The following NCKAP5 variants were observed in gnomAD, a reference collection of about 807,000 sequenced individuals.
NCKAP5 encodes the protein nck-associated protein 5.
Under a neutral mutation model 167.0 loss-of-function variants are expected in NCKAP5, and 92 were observed. That is an observed-to-expected ratio of 0.55 (90% CI 0.47 to 0.66). NCKAP5 has a LOEUF of 0.66. Ranked by LOEUF, NCKAP5 falls within the 30% of genes least tolerant of loss-of-function variation. The pLI is 0.00. For missense variants in NCKAP5, 2,378 were observed against 2,315.0 expected, an observed-to-expected ratio of 1.03 and a Z score of -0.56; for synonymous variants, 891 against 877.4, an observed-to-expected ratio of 1.02 and a Z score of -0.27.
intron 2 of NCKAP5, among the ~76,000 whole-genome samples, chr2:133,530,416 A>G (rs998009198): frequency 7.2e-5 from 11 of 152,182 alleles, no homozygotes; most frequent in Non-Finnish European, 1.0e-4. Context: ...TTTGTCTTCC[A>G]TATCAACTTG....
chr2:132,716,293 G>A (rs1689364045), intron 19 of NCKAP5, among the ~76,000 whole-genome samples: 1 of 152,186 alleles, frequency 6.6e-6, no homozygotes, highest in Non-Finnish European at 1.5e-5. Context: ...CCCCTAGCAA[G>A]TTAGATTTAA....
At chr2:133,197,865 G>A (rs1214522079) in intron 5 of NCKAP5, among the ~76,000 whole-genome samples, 7 of 152,098 alleles carry the variant, frequency 4.6e-5, no homozygotes, top group Admixed American at 4.6e-4. Flanking sequence ...CAGGGGAATC[G>A]CTTGAATCCA....
Position 133,210,718 on chromosome 2 carries a change from T to A in NCKAP5, c.207+2998A>T, listed in dbSNP as rs182580143. On this transcript the variant is annotated intron_variant, in intron 5 of 19. Transcript: ENST00000409261. ...ATTAAATAGAAAAGTCAGAAGAGTT[T>A]GACTATGCAAAGGAACAGGGAGAAA... 7.5e-4 allele frequency among the ~76,000 whole-genome samples: 114 copies of A among 152,218 alleles called. 2 individuals carry two copies. The highest frequency in any genetic ancestry group is 6.3e-3 in the Admixed American group (96 of 15,288).
chr2:133,508,891 A>G (rs1683251237), intron 3 of NCKAP5, among the ~76,000 whole-genome samples: 1 of 152,224 alleles, frequency 6.6e-6, no homozygotes, highest in Non-Finnish European at 1.5e-5. Flanking sequence ...AAGCAGTCTC[A>G]TTTCATCATC....
chr2:133,525,795 C>G (rs1319457199), intron 2 of NCKAP5, among the ~76,000 whole-genome samples: 4 of 152,084 alleles, frequency 2.6e-5, no homozygotes, highest in Non-Finnish European at 5.9e-5. Flanking sequence ...CCTCATCAAG[C>G]CAGCTGTCCC....
intron 11 of NCKAP5, among the ~76,000 whole-genome samples, chr2:132,806,288 C>A (rs2105233990): frequency 6.6e-6 from 1 of 152,148 alleles, no homozygotes; most frequent in African/African-American, 2.4e-5. Context: ...GGGTAGATAC[C>A]CAGTAGTGGC....
the NCKAP5 span, among the ~76,000 whole-genome samples, chr2:133,632,026 T>C: frequency 1.3e-5 from 2 of 152,238 alleles, no homozygotes; most frequent in Non-Finnish European, 2.9e-5. Flanking sequence ...CACAGCCTGG[T>C]CTCAGCTGTG....
intron 3 of NCKAP5, among the ~76,000 whole-genome samples, chr2:133,496,917 CT>C (rs1394946913): frequency 3.9e-5 from 6 of 152,264 alleles, no homozygotes; most frequent in Admixed American, 1.3e-4. Context: ...GATTAGACAT[CT>C]GAGGAAAACA....
At chr2:133,435,355 A>C (rs970530545) in intron 3 of NCKAP5, among the ~76,000 whole-genome samples, 3 of 152,224 alleles carry the variant, frequency 2.0e-5, no homozygotes, top group African/African-American at 7.2e-5. Flanking sequence ...TAGTAGTCAT[A>C]TCACTCACCA....
intron 6 of NCKAP5, among the ~76,000 whole-genome samples, chr2:133,099,014 A>G (rs1165183995): frequency 6.6e-6 from 1 of 152,216 alleles, no homozygotes; most frequent in Non-Finnish European, 1.5e-5. Flanking sequence ...GTAATCATGT[A>G]CCTAAAAATG....
rs929902547 is a variant in NCKAP5 at position 132,987,624 on chromosome 2, T to C, written c.429+6528A>G. Reference sequence around the variant, plus strand: ...AAAAAAAGAACATCTTTGGAAAGAATAGAGCTGGGCCCAGAAAACACAACA... The same window carrying C: ...AAAAAAAGAACATCTTTGGAAAGAACAGAGCTGGGCCCAGAAAACACAACA... On this transcript the variant is annotated intron_variant, in intron 7 of 19. Coordinates refer to ENST00000409261, the MANE Select transcript of NCKAP5 (RefSeq NM_207363.3). 5.3e-5 allele frequency among the ~76,000 whole-genome samples: 8 copies of C among 152,152 alleles called. No homozygotes were observed. The East Asian group carries it at 9.6e-4, about 18-fold the overall frequency.
chr2:133,089,515 GC>G (rs1417781144), intron 6 of NCKAP5, among the ~76,000 whole-genome samples: 1 of 152,154 alleles, frequency 6.6e-6, no homozygotes, highest in Non-Finnish European at 1.5e-5. Context: ...TTCAAATGAT[GC>G]CCCTGTTGAG....
At chr2:133,033,174 T>C (rs2078935337) in intron 6 of NCKAP5, among the ~76,000 whole-genome samples, 1 of 152,148 alleles carries the variant, frequency 6.6e-6, no homozygotes. Flanking sequence ...AGATACTTTG[T>C]ATGTTTAGGA....
intron 4 of NCKAP5, among the ~76,000 whole-genome samples, chr2:133,288,565 A>G (rs931351472): frequency 2.6e-5 from 4 of 151,718 alleles, no homozygotes; most frequent in East Asian, 1.9e-4. Context: ...ATATTGTACA[A>G]TTAACTTTTT....
intron 2 of NCKAP5, among the ~76,000 whole-genome samples, chr2:133,546,679 CAAAA>C (rs974422133): frequency 6.6e-6 from 1 of 151,848 alleles, no homozygotes; most frequent in Admixed American, 6.6e-5. Context: ...CAAAACAAAA[CAAAA>C]AAACAAAACA....
chr2:133,590,902 T>C, the NCKAP5 span, among the ~76,000 whole-genome samples: 5 of 131,758 alleles, frequency 3.8e-5, no homozygotes, highest in African/African-American at 1.6e-4. Flanking sequence ...TGTCTGTGTG[T>C]GTGTTTGTGT....
At chr2:133,509,450 G>A (rs1683293394) in intron 3 of NCKAP5, among the ~76,000 whole-genome samples, 1 of 152,132 alleles carries the variant, frequency 6.6e-6, no homozygotes, top group South Asian at 2.1e-4. Flanking sequence ...ACAGCACCCT[G>A]GGCCTGCTGC....
chr2:133,297,209 G>GTGTATGTGTGTT (rs1553610676), intron 4 of NCKAP5, among the ~76,000 whole-genome samples: 73 of 144,738 alleles, frequency 5.0e-4, no homozygotes, highest in African/African-American at 1.9e-3. Context: ...GTGTGTGTGT[G>GTGTATGTGTGTT]TTTTAAATCA....
At chr2:133,334,927 T>G in intron 3 of NCKAP5, among the ~76,000 whole-genome samples, 1 of 152,192 alleles carries the variant, frequency 6.6e-6, no homozygotes, top group Non-Finnish European at 1.5e-5. Context: ...GTCTCTACTG[T>G]GAATCAAAAA....
Sources: gnomAD v4.1 joint callset for allele counts (sites outside exome capture counted in the v4.1 genomes callset) on GRCh38, gnomAD v4.1.1 for gene constraint, MANE v1.5 for transcripts, NCBI Gene and HGNC (gene_info 2026-07-23, HGNC 2026-07-21) for gene names.